IL18R1: variants seen among roughly 807,000 people sequenced by gnomAD.
The protein encoded by IL18R1 is interleukin 18 receptor 1.
IL18R1 carries 40 observed loss-of-function variants against 48.5 expected under a neutral mutation model. The observed-to-expected ratio is 0.82, with a 90% CI of 0.64 to 1.07. The LOEUF is 1.07. Ranked by LOEUF, IL18R1 falls within the 50% of genes least tolerant of loss-of-function variation. The pLI is 0.00. For missense variants in IL18R1, 596 were observed against 633.7 expected, an observed-to-expected ratio of 0.94 and a Z score of 0.64; for synonymous variants, 232 against 225.9, an observed-to-expected ratio of 1.03 and a Z score of -0.24.
intron 2 of IL18R1, 44 bp downstream of exon 2, chr2:102,362,762 GA>G (rs763852995): frequency 7.4e-5 from 93 of 1,265,272 alleles, no homozygotes; most frequent in Non-Finnish European, 9.1e-5. Flanking sequence ...ATGAGTAATT[GA>G]GGAAGAATGT....
intron 5 of IL18R1, among the ~76,000 whole-genome samples, chr2:102,380,582 T>A (rs2105091295): frequency 6.6e-6 from 1 of 152,318 alleles, no homozygotes; most frequent in Middle Eastern, 3.4e-3. Flanking sequence ...CAGACCTGAC[T>A]CTGAACTCCG....
chr2:102,363,425 G>A (rs184230482), intron 2 of IL18R1, among the ~76,000 whole-genome samples: 2 of 152,212 alleles, frequency 1.3e-5, no homozygotes, highest in Non-Finnish European at 2.9e-5. Flanking sequence ...AATAACACAG[G>A]TCCAATCTCA....
Position 102,356,248 on chromosome 2 carries a change from C to A in IL18R1, c.-181C>A. The A allele has an allele frequency of 1.4e-5, 8 of 575,788 alleles. No homozygotes were observed. Among genetic ancestry groups the A allele is most frequent in the Non-Finnish European group, 1.5e-5 (7 of 460,168 alleles). The allele number at this position is 575,788 out of a possible 1,614,324, so 35.7% of individuals were successfully genotyped here. On this transcript the variant is annotated 5_prime_UTR_variant, in exon 1 of 11. Coordinates refer to ENST00000233957, the MANE Select transcript of IL18R1 (RefSeq NM_003855.5). ...GTAGCCCTCTCTGGGTGCCTTATCT[C>A]TTTAATCACACCTCTCTTTCACTTT...
intron 2 of IL18R1, 83 bp from the exon 3 acceptor site, chr2:102,367,742 C>T: frequency 1.7e-6 from 2 of 1,180,814 alleles, no homozygotes; most frequent in South Asian, 1.6e-5. Flanking sequence ...GCTTCTTCAC[C>T]TAATGCATTA....
At chr2:102,390,951 G>A (rs74180217) in intron 9 of IL18R1, among the ~76,000 whole-genome samples, 71,133 of 121,152 alleles carry the variant, frequency 0.59, 20,837 homozygotes, top group African/African-American at 0.75. Context: ...AAAAAAAAAA[G>A]AGAGAGAAAA....
chr2:102,360,649 C>T (rs1678522449), intron 1 of IL18R1, among the ~76,000 whole-genome samples: 1 of 152,142 alleles, frequency 6.6e-6, no homozygotes, highest in Admixed American at 6.5e-5. Flanking sequence ...TTTCTTCTTT[C>T]AGTCTTCATT....
intron 5 of IL18R1, among the ~76,000 whole-genome samples, chr2:102,380,765 A>G (rs1383325558): frequency 6.6e-6 from 1 of 152,152 alleles, no homozygotes; most frequent in Non-Finnish European, 1.5e-5. Flanking sequence ...CTGCTTGCTG[A>G]GCACCTGCAA....
chr2:102,368,336 A>T (rs1047670086), intron 3 of IL18R1, among the ~76,000 whole-genome samples: 1 of 152,226 alleles, frequency 6.6e-6, no homozygotes, highest in Admixed American at 6.5e-5. Context: ...CGATTGCATG[A>T]AAGTCAGTTT....
rs1335048482 is a variant in IL18R1 at position 102,362,633 on chromosome 2, A to G, written c.-28A>G. ...GAATCTGTTTTATTCTGTTTTCCAG[A>G]GAAGCCATTTGAAGCAGAATCCAAA... is the stretch of plus-strand genomic sequence containing the variant. On this transcript the variant is annotated splice_region_variant and 5_prime_UTR_variant, in exon 2 of 11. Coordinates refer to ENST00000233957, the MANE Select transcript of IL18R1 (RefSeq NM_003855.5). 1 of 1,591,110 alleles carries G rather than the reference A, an allele frequency of 6.3e-7. No individual in the cohort carries two copies. Among genetic ancestry groups the G allele is most frequent in the Non-Finnish European group, 8.5e-7 (1 of 1,170,412 alleles).
Position 102,394,514 on chromosome 2 carries a change from G to A in IL18R1, c.1157G>A (p.Arg386Gln), listed in dbSNP as rs191050209. The change falls in exon 10 of 11, where the codon CGA becomes CAA. Residue 386 changes from arginine (R) to glutamine (Q), a missense_variant. Physicochemically the swap from Arg to Gln is conservative, Grantham distance 43. Transcript: ENST00000233957. ...TTTGTGTCTTACCTAAAAGAATGCCGACCTGAAAATGGAGAGGAGCACACC... is the reference window on the plus strand; with the variant it reads ...TTTGTGTCTTACCTAAAAGAATGCCAACCTGAAAATGGAGAGGAGCACACC... ...DAFVSYLKEC[R>Q]PENGEEHTFA... The A allele has an allele frequency of 9.5e-5, 153 of 1,613,088 alleles. No homozygotes were observed. Among genetic ancestry groups the A allele is most frequent in the East Asian group, 2.5e-4 (11 of 44,852 alleles).
chr2:102,372,034 A>G lies in IL18R1; in HGVS notation c.384A>G (p.Lys128=), dbSNP rs756338040. The part of the protein sequence containing the change: ...SCFTERQVTS[K]IVEVKKFFQI... ...TCACTGAAAGACAAGTAACTAGTAA[A>G]ATTGTGGAAGTTAAAAAATTTTTTC... The change falls in exon 4 of 11, where the codon AAA becomes AAG. Residue 128 remains lysine, a synonymous_variant. Transcript: ENST00000233957. 22 of 1,602,654 alleles carry G rather than the reference A, an allele frequency of 1.4e-5. No individual in the cohort carries two copies. Among genetic ancestry groups the G allele is most frequent in the Non-Finnish European group, 1.8e-5 (21 of 1,173,248 alleles).
intron 6 of IL18R1, among the ~76,000 whole-genome samples, chr2:102,383,928 G>A (rs1429189814): frequency 1.3e-5 from 2 of 152,058 alleles, no homozygotes; most frequent in East Asian, 1.9e-4. Flanking sequence ...TTCAGCATCT[G>A]TAGGTCTGCT....
intron 5 of IL18R1, 21 bp from the exon 6 acceptor site, chr2:102,381,599 C>G: frequency 6.3e-7 from 1 of 1,595,460 alleles, no homozygotes; most frequent in Non-Finnish European, 8.6e-7. Context: ...ATACATTTGT[C>G]TTTTCTTTTG....
chr2:102,392,967 G>T (rs746414360), intron 9 of IL18R1, among the ~76,000 whole-genome samples: 2 of 152,036 alleles, frequency 1.3e-5, no homozygotes, highest in East Asian at 1.9e-4. Flanking sequence ...TATATTAAAA[G>T]AATTGCTTAA....
intron 8 of IL18R1, among the ~76,000 whole-genome samples, chr2:102,388,070 CAG>C (rs1184428542): frequency 1.3e-5 from 2 of 152,160 alleles, no homozygotes; most frequent in African/African-American, 2.4e-5. Context: ...CACAAACATG[CAG>C]AGACAGCCAC....
In IL18R1 at chr2:102,381,682, G is replaced by A. The variant is rs746216073; in HGVS notation, c.688G>A (p.Gly230Arg). Residue 230 changes from glycine (G) to arginine (R), a missense_variant and splice_region_variant, in exon 6 of 11, where the codon GGA (glycine) becomes AGA (arginine). Gly to Arg is a moderately radical substitution (Grantham distance 125). Transcript: ENST00000233957. ...PKLNHVAVEL[G>R]KNVRLNCSAL... ...GCTTAACCATGTTGCAGTGGAATTA[G>A]GTATATTTCAATATACATATATTCT... The A allele has an allele frequency of 1.2e-6, 2 of 1,601,346 alleles. No homozygotes were observed. The highest frequency in any genetic ancestry group is 8.6e-7 in the Non-Finnish European group (1 of 1,168,670).
intron 3 of IL18R1, among the ~76,000 whole-genome samples, chr2:102,371,704 T>A (rs1359332323): frequency 5.3e-5 from 8 of 152,204 alleles, no homozygotes; most frequent in African/African-American, 1.7e-4. Flanking sequence ...CGTGTGTGCG[T>A]GTGCATGTGT....
chr2:102,362,737 T>G lies in IL18R1; in HGVS notation c.58+19T>G. The G allele has an allele frequency of 6.9e-7, 1 of 1,449,816 alleles. No homozygotes were observed. The highest frequency in any genetic ancestry group is 2.3e-5 in the East Asian group (1 of 43,436). 89.8% of individuals were successfully genotyped at this position (1,449,816 alleles called of 1,614,324 possible). A position where few individuals can be genotyped will look rare whatever the true frequency, so the allele number is the denominator to read the frequency against. ...ACTGCAGGTAAGTGATTATACATACTCTCAAACATATTTCATGAGTAATTG... is the reference window on the plus strand; with the variant it reads ...ACTGCAGGTAAGTGATTATACATACGCTCAAACATATTTCATGAGTAATTG... On this transcript the variant is annotated intron_variant, in intron 2 of 10. Coordinates refer to ENST00000233957, the MANE Select transcript of IL18R1 (RefSeq NM_003855.5).
intron 2 of IL18R1, among the ~76,000 whole-genome samples, chr2:102,363,151 G>C (rs533299500): frequency 6.6e-6 from 1 of 151,812 alleles, no homozygotes; most frequent in Non-Finnish European, 1.5e-5. Context: ...AGGCTTCATA[G>C]TAGATGTCAA....
Sources: allele counts gnomAD v4.1 joint callset (sites outside exome capture counted in the v4.1 genomes callset), GRCh38; gene constraint gnomAD v4.1.1; transcripts MANE v1.5; gene names NCBI Gene and HGNC (gene_info 2026-07-23, HGNC 2026-07-21).